Variants in PTPRD observed in about 807,000 individuals in gnomAD.
The protein encoded by PTPRD is protein tyrosine phosphatase receptor type D, also known as receptor-type tyrosine-protein phosphatase delta.
Under a neutral mutation model 214.5 loss-of-function variants are expected in PTPRD, and 34 were observed. That is an observed-to-expected ratio of 0.16 (90% CI 0.12 to 0.21). The LOEUF is 0.21. Ranked by LOEUF, PTPRD falls within the 10% of genes least tolerant of loss-of-function variation. The probability of loss-of-function intolerance (pLI) is 1.00; values close to 1 mark genes in which losing one functional copy is unlikely to be tolerated. For missense variants in PTPRD, 2,545 were observed against 2,398.7 expected (o/e 1.06, Z -1.27); for synonymous variants, 1,128 against 845.7 (o/e 1.33, Z -5.79).
chr9:8,802,752 A>G (rs548327674), intron 11 of PTPRD, among the ~76,000 whole-genome samples: 1 of 152,300 alleles, frequency 6.6e-6, no homozygotes, highest in Admixed American at 6.5e-5. Flanking sequence ...CAATTGCCTC[A>G]TCTTTAAAAT....
intron 2 of PTPRD, among the ~76,000 whole-genome samples, chr9:10,559,678 C>G (rs961038011): frequency 6.6e-6 from 1 of 152,044 alleles, no homozygotes; most frequent in Non-Finnish European, 1.5e-5. Context: ...GGGCTAATAT[C>G]CAGAATCTAC....
At chr9:10,019,719 T>C (rs538236945) in intron 4 of PTPRD, among the ~76,000 whole-genome samples, 3 of 150,748 alleles carry the variant, frequency 2.0e-5, no homozygotes, top group South Asian at 2.1e-4. Context: ...TAGGTGGGAA[T>C]TGAACAATGA....
intron 3 of PTPRD, among the ~76,000 whole-genome samples, chr9:10,328,467 C>T (rs1405642587): frequency 3.3e-5 from 5 of 151,580 alleles, no homozygotes; most frequent in Admixed American, 6.6e-5. Context: ...TTAAAATGTG[C>T]ATTGCACACC....
chr9:8,453,616 T>C (rs1169773350), intron 33 of PTPRD, among the ~76,000 whole-genome samples: 1 of 152,250 alleles, frequency 6.6e-6, no homozygotes, highest in Non-Finnish European at 1.5e-5. Context: ...TTAAAGATTC[T>C]TATCATTGAA....
intron 4 of PTPRD, among the ~76,000 whole-genome samples, chr9:10,012,029 A>G (rs1055978216): frequency 6.6e-6 from 1 of 151,976 alleles, no homozygotes; most frequent in African/African-American, 2.4e-5. Context: ...TCAATTATAA[A>G]TATTGATATT....
At chr9:8,970,971 A>G (rs12348349) in intron 11 of PTPRD, among the ~76,000 whole-genome samples, 62,073 of 151,136 alleles carry the variant, frequency 0.41, 13,090 homozygotes, top group East Asian at 0.51. Flanking sequence ...ATATGTTCTA[A>G]TGAAATCTTT....
At chr9:9,406,557 T>C (rs1014799427) in intron 8 of PTPRD, among the ~76,000 whole-genome samples, 1 of 151,978 alleles carries the variant, frequency 6.6e-6, no homozygotes, top group Non-Finnish European at 1.5e-5. Flanking sequence ...TCAGCCTCTT[T>C]CTTTCTTCAC....
chr9:9,798,703 C>A (rs2099019647), intron 5 of PTPRD, among the ~76,000 whole-genome samples: 1 of 152,066 alleles, frequency 6.6e-6, no homozygotes, highest in South Asian at 2.1e-4. Context: ...TTGGAATAAG[C>A]CATATGTAGA....
At chr9:9,330,894 G>T (rs542425232) in intron 9 of PTPRD, among the ~76,000 whole-genome samples, 1 of 150,756 alleles carries the variant, frequency 6.6e-6, no homozygotes, top group East Asian at 1.9e-4. Flanking sequence ...CATTTTTGGG[G>T]AAAAGAAGAG....
chr9:9,915,525 G>A (rs553398293), intron 5 of PTPRD, among the ~76,000 whole-genome samples: 20 of 151,210 alleles, frequency 1.3e-4, no homozygotes, highest in African/African-American at 4.6e-4. Flanking sequence ...ATTAAATAAA[G>A]AGATAGATAT....
chr9:10,122,290 G>T (rs561481343), intron 3 of PTPRD, among the ~76,000 whole-genome samples: 1 of 151,918 alleles, frequency 6.6e-6, no homozygotes, highest in Non-Finnish European at 1.5e-5. Context: ...CCTTGGCAAT[G>T]GAGCAAAACT....
chr9:9,382,636 G>A (rs1354521179), intron 9 of PTPRD, among the ~76,000 whole-genome samples: 2 of 152,084 alleles, frequency 1.3e-5, no homozygotes, highest in African/African-American at 2.4e-5. Context: ...GTTTTATTGA[G>A]AAAGAGAGAG....
chr9:8,939,911 C>T (rs1311108884), intron 11 of PTPRD, among the ~76,000 whole-genome samples: 2 of 151,508 alleles, frequency 1.3e-5, no homozygotes, highest in Non-Finnish European at 2.9e-5. Context: ...CTAAAGTTTT[C>T]TTTAGAAAAA....
chr9:8,676,735 A>G (rs943507099), intron 12 of PTPRD, among the ~76,000 whole-genome samples: 1 of 152,010 alleles, frequency 6.6e-6, no homozygotes, highest in African/African-American at 2.4e-5. Flanking sequence ...CACCATGCCC[A>G]GCTAATTTTT....
chr9:9,300,153 G>C (rs997837177), intron 9 of PTPRD, among the ~76,000 whole-genome samples: 1 of 150,368 alleles, frequency 6.7e-6, no homozygotes, highest in African/African-American at 2.4e-5. Context: ...TACTTAGACT[G>C]ACTTTTAAAA....
intron 8 of PTPRD, among the ~76,000 whole-genome samples, chr9:9,538,917 A>T (rs1341895126): frequency 6.6e-6 from 1 of 151,892 alleles, no homozygotes; most frequent in Non-Finnish European, 1.5e-5. Context: ...TAATTCAATC[A>T]TTTAGTAAAT....
intron 6 of PTPRD, among the ~76,000 whole-genome samples, chr9:9,760,249 A>C (rs942171199): frequency 6.6e-6 from 1 of 152,146 alleles, no homozygotes; most frequent in Non-Finnish European, 1.5e-5. Flanking sequence ...GAAAACATTC[A>C]TACATCTTAC....
chr9:10,369,718 C>T (rs4595175), intron 2 of PTPRD, among the ~76,000 whole-genome samples: 131 of 151,970 alleles, frequency 8.6e-4, no homozygotes, highest in African/African-American at 3.1e-3. Context: ...ACCAGACTGA[C>T]GGCTTCTGGA....
intron 10 of PTPRD, among the ~76,000 whole-genome samples, chr9:9,172,132 T>C (rs904540148): frequency 6.6e-6 from 1 of 152,162 alleles, no homozygotes; most frequent in Non-Finnish European, 1.5e-5. Flanking sequence ...GTGAGCTAGT[T>C]ATAATCTTAG....
Sources: allele counts gnomAD v4.1 joint callset (sites outside exome capture counted in the v4.1 genomes callset), GRCh38; gene constraint gnomAD v4.1.1; transcripts MANE v1.5; gene names NCBI Gene and HGNC (gene_info 2026-07-23, HGNC 2026-07-21).